The following CTPS1 variants were observed in gnomAD, a reference collection of about 807,000 sequenced individuals.
The protein encoded by CTPS1 is CTP synthetase 1.
A neutral mutation model predicts 80.5 loss-of-function variants in CTPS1; 25 were observed. The observed-to-expected ratio is 0.31, with a 90% CI of 0.23 to 0.43. The LOEUF (loss-of-function observed/expected upper bound fraction) is 0.43. Among genes scored for constraint, CTPS1 ranks in the 20% least tolerant of loss-of-function variants. The pLI, the probability that CTPS1 is intolerant of heterozygous loss-of-function variation, is 1.00. For missense variants in CTPS1, 442 were observed against 725.7 expected (o/e 0.61, Z 4.49); for synonymous variants, 267 against 252.5 (o/e 1.06, Z -0.54).
chr1:40,987,726 G>T (rs982096392), intron 4 of CTPS1, among the ~76,000 whole-genome samples: 6 of 152,134 alleles, frequency 3.9e-5, no homozygotes, highest in Admixed American at 6.5e-5. Context: ...CATGAGTAGT[G>T]TGACACATTT....
chr1:41,009,563 C>G lies in CTPS1; in HGVS notation c.1665C>G (p.Leu555=). Residue 555 remains leucine (L), a synonymous_variant, in exon 17 of 19, where the codon CTC becomes CTG. Transcript: ENST00000650070. ...LASVGRLSHY[L]QKGCRLSPRD... is the part of the protein sequence containing the mutation. ...CTGTGGGGCGGCTCTCACATTACCT[C>G]CAGAAAGGCTGCAGGCTCTCACCCA... is the stretch of plus-strand genomic sequence containing the variant. 2 of 1,614,134 alleles carry G rather than the reference C, an allele frequency of 1.2e-6. No homozygotes were observed. Among genetic ancestry groups the G allele is most frequent in the South Asian group, 2.2e-5 (2 of 91,062 alleles).
intron 4 of CTPS1, among the ~76,000 whole-genome samples, chr1:40,987,910 T>A (rs569544637): frequency 6.6e-6 from 1 of 152,342 alleles, no homozygotes; most frequent in African/African-American, 2.4e-5. Flanking sequence ...GCAGTTTGTT[T>A]ATAACTAATA....
chr1:40,979,959 G>A (rs1177827120), intron 1 of CTPS1, 130 bp downstream of exon 1: 1 of 152,078 alleles, frequency 6.6e-6, no homozygotes, highest in East Asian at 1.9e-4. Flanking sequence ...TCAGGGGCGA[G>A]GTGACTCGGC....
intron 1 of CTPS1, chr1:40,980,124 T>C (rs1194508036): frequency 6.6e-6 from 1 of 151,148 alleles, no homozygotes; most frequent in African/African-American, 2.4e-5. Context: ...GGGCCTGCGC[T>C]GCCGCGCTGG....
Position 40,992,091 on chromosome 1 carries a change from CT to C in CTPS1, c.720+247del, listed in dbSNP as rs1477605237. 2.4e-4 allele frequency among the ~76,000 whole-genome samples: 36 copies of C among 152,264 alleles called. 1 individual carries two copies. Among genetic ancestry groups the C allele is most frequent in the African/African-American group, 7.7e-4 (32 of 41,536 alleles). ...CCGGGTGGAGTATCTTTCGGTTCCC[CT>C]AGTACCCTCCACTCTCCCTATGATT... On this transcript the variant is annotated intron_variant, in intron 7 of 18. Coordinates refer to ENST00000650070, the MANE Select transcript of CTPS1 (RefSeq NM_001905.4).
At chr1:41,009,721 C>T in intron 17 of CTPS1, 132 bp downstream of exon 17, 1 of 1,057,000 alleles carries the variant, frequency 9.5e-7, no homozygotes, top group South Asian at 1.6e-5. Context: ...TGAAAGTTTC[C>T]TCTCCTTTCC....
chr1:40,991,227 A>T lies in CTPS1; in HGVS notation c.618A>T (p.Gly206=), dbSNP rs758848799. ...AGAATAGTGTTCGGGAACTTAGAGG[A>T]CTTGGGCTTTCCCCAGATCTGGTAA... is the stretch of plus-strand genomic sequence containing the variant. The part of the protein sequence containing the change: ...PTQNSVRELR[G]LGLSPDLVVC... Residue 206 remains glycine (G), a synonymous_variant, in exon 6 of 19, where the codon GGA becomes GGT. Coordinates refer to ENST00000650070, the MANE Select transcript of CTPS1 (RefSeq NM_001905.4). 21 of 1,593,046 alleles carry T rather than the reference A, an allele frequency of 1.3e-5. No individual in the cohort carries two copies. The highest frequency in any genetic ancestry group is 1.8e-5 in the Non-Finnish European group (21 of 1,174,760).
intron 18 of CTPS1, among the ~76,000 whole-genome samples, chr1:41,011,307 G>A (rs1461353375): frequency 2.6e-5 from 4 of 152,218 alleles, no homozygotes; most frequent in Non-Finnish European, 2.9e-5. Flanking sequence ...CAGTCTTAAG[G>A]AGCTGATACA....
chr1:41,002,322 GC>G (rs972519080), intron 11 of CTPS1, 68 bp downstream of exon 11: 2 of 1,274,812 alleles, frequency 1.6e-6, no homozygotes, highest in African/African-American at 2.9e-5. Context: ...CCACGTGGGA[GC>G]CTATGAACAA....
intron 9 of CTPS1, among the ~76,000 whole-genome samples, chr1:41,000,215 ATGTTTTGTTTTGTTTTGTTT>A (rs113751290): frequency 2.4e-4 from 35 of 147,418 alleles, no homozygotes; most frequent in African/African-American, 6.1e-4. Context: ...ATGGTAACTT[ATGTTTTGTTTTGTTTTGTTT>A]TGTTTTGTTT....
At chr1:40,998,764 C>T (rs1287266461) in intron 9 of CTPS1, among the ~76,000 whole-genome samples, 1 of 152,192 alleles carries the variant, frequency 6.6e-6, no homozygotes, top group Non-Finnish European at 1.5e-5. Context: ...GGTTGTTAAA[C>T]AGGCCCCATG....
chr1:40,980,150 C>A (rs1651798962), intron 1 of CTPS1: 1 of 151,284 alleles, frequency 6.6e-6, no homozygotes, highest in Non-Finnish European at 1.5e-5. Flanking sequence ...GCCGAATCAG[C>A]TCGGCCGGGC....
At chr1:40,984,264 A>G (rs1057023275) in intron 2 of CTPS1, among the ~76,000 whole-genome samples, 2 of 152,200 alleles carry the variant, frequency 1.3e-5, no homozygotes, top group Non-Finnish European at 2.9e-5. Context: ...GTAGGAATGA[A>G]TCATTCTGGG....
intron 4 of CTPS1, 163 bp from the exon 5 acceptor site, chr1:40,988,431 G>A: frequency 1.6e-6 from 1 of 612,544 alleles, no homozygotes; most frequent in South Asian, 2.1e-5. Flanking sequence ...AGTACAAAGA[G>A]TTGTCTAATT....
At chr1:40,996,661 A>T (rs1482072520) in intron 8 of CTPS1, among the ~76,000 whole-genome samples, 1 of 152,140 alleles carries the variant, frequency 6.6e-6, no homozygotes, top group Non-Finnish European at 1.5e-5. Flanking sequence ...GAGAGGGCAT[A>T]CTCATTCCGT....
intron 7 of CTPS1, among the ~76,000 whole-genome samples, chr1:40,992,432 C>G (rs1444765306): frequency 6.6e-6 from 1 of 152,102 alleles, no homozygotes; most frequent in Non-Finnish European, 1.5e-5. Context: ...ATTCAACTTT[C>G]TGTTTCTGGT....
chr1:40,988,774 G>A lies in CTPS1; in HGVS notation c.555+64G>A. The A allele has an allele frequency of 1.8e-6, 2 of 1,107,308 alleles. 1 individual carries two copies. 68.6% of individuals were successfully genotyped at this position (1,107,308 alleles called of 1,614,324 possible). ...GAGAGGAGGGAGGAAAGGTAAACCGGAATGATTTTCACTCATTGTCTAGTA... is the reference window on the plus strand; with the variant it reads ...GAGAGGAGGGAGGAAAGGTAAACCGAAATGATTTTCACTCATTGTCTAGTA... On this transcript the variant is annotated intron_variant, in intron 5 of 18. Coordinates refer to ENST00000650070, the MANE Select transcript of CTPS1 (RefSeq NM_001905.4).
intron 1 of CTPS1, 145 bp downstream of exon 1, chr1:40,979,974 T>C (rs1651780469): frequency 6.6e-6 from 1 of 151,912 alleles, no homozygotes; most frequent in Admixed American, 6.6e-5. Flanking sequence ...CTCGGCGTCC[T>C]GCCCAATGGG....
chr1:40,983,721 CAA>C (rs1473914752), intron 2 of CTPS1, among the ~76,000 whole-genome samples: 1 of 151,386 alleles, frequency 6.6e-6, no homozygotes, highest in Non-Finnish European at 1.5e-5. Context: ...CTCCTTGGCT[CAA>C]GCGATCCTCT....
Sources: gnomAD v4.1 joint callset for allele counts (sites outside exome capture counted in the v4.1 genomes callset) on GRCh38, gnomAD v4.1.1 for gene constraint, MANE v1.5 for transcripts, NCBI Gene and HGNC (gene_info 2026-07-23, HGNC 2026-07-21) for gene names.